The following GLIS3 variants were observed in gnomAD, a reference collection of about 807,000 sequenced individuals.
GLIS3 encodes GLIS family zinc finger 3, also known as zinc finger protein GLIS3.
Under a neutral mutation model 78.6 loss-of-function variants are expected in GLIS3, and 53 were observed. That is an observed-to-expected ratio of 0.67 (90% CI 0.54 to 0.85). The LOEUF (loss-of-function observed/expected upper bound fraction) is 0.85, where lower values mean the gene tolerates loss of function less well. Ranked by LOEUF, GLIS3 falls within the 40% of genes least tolerant of loss-of-function variation. The pLI is 0.00. For missense variants in GLIS3, 1,703 were observed against 1,231.1 expected (o/e 1.38, Z -5.74); for synonymous variants, 684 against 509.9 (o/e 1.34, Z -4.60).
upstream of GLIS3, among the ~76,000 whole-genome samples, chr9:4,304,796 G>A (rs541284521): frequency 6.6e-6 from 1 of 152,160 alleles, no homozygotes; most frequent in East Asian, 1.9e-4. Flanking sequence ...ACCTGCAAAG[G>A]GGTTTGAAAA....
the GLIS3 span, among the ~76,000 whole-genome samples, chr9:4,396,050 G>A: frequency 2.0e-5 from 3 of 151,640 alleles, no homozygotes; most frequent in Admixed American, 6.6e-5. Flanking sequence ...GGGATTACAG[G>A]AGTGAGCCAC....
the GLIS3 span, among the ~76,000 whole-genome samples, chr9:4,448,730 G>T: frequency 2.6e-5 from 4 of 152,164 alleles, no homozygotes; most frequent in African/African-American, 9.7e-5. Context: ...ATGTCCTTTT[G>T]ATCCCTAGCA....
intron 4 of GLIS3, among the ~76,000 whole-genome samples, chr9:4,307,390 C>T (rs1817254447): frequency 6.6e-6 from 1 of 152,164 alleles, no homozygotes; most frequent in African/African-American, 2.4e-5. Context: ...TACTGAACTT[C>T]CTGTAGTTCC....
chr9:4,443,676 G>A, the GLIS3 span, among the ~76,000 whole-genome samples: 1 of 152,204 alleles, frequency 6.6e-6, no homozygotes, highest in Non-Finnish European at 1.5e-5. Flanking sequence ...TGCAATGCAT[G>A]TTTCTAGAGG....
the GLIS3 span, among the ~76,000 whole-genome samples, chr9:4,447,046 C>A: frequency 6.6e-6 from 1 of 151,908 alleles, no homozygotes. Flanking sequence ...TGCCATAATG[C>A]TTAATTTTTT....
At chr9:4,149,347 G>A (rs1834488801) in intron 2 of GLIS3, among the ~76,000 whole-genome samples, 1 of 152,186 alleles carries the variant, frequency 6.6e-6, no homozygotes, top group Non-Finnish European at 1.5e-5. Context: ...CTAAGAGTGA[G>A]TATTCAAACC....
chr9:4,001,841 G>A (rs1056188780), intron 4 of GLIS3, among the ~76,000 whole-genome samples: 2 of 152,150 alleles, frequency 1.3e-5, no homozygotes, highest in South Asian at 4.2e-4. Flanking sequence ...CATCTTCATT[G>A]TTCCCAAACT....
At chr9:4,240,115 T>C (rs1022944184) in intron 2 of GLIS3, among the ~76,000 whole-genome samples, 2 of 147,642 alleles carry the variant, frequency 1.4e-5, no homozygotes, top group African/African-American at 5.0e-5. Context: ...TAATTCACCA[T>C]CTAAAGCAGC....
At chr9:4,120,214 T>G (rs1323799305) in intron 3 of GLIS3, among the ~76,000 whole-genome samples, 2 of 152,200 alleles carry the variant, frequency 1.3e-5, no homozygotes, top group Non-Finnish European at 2.9e-5. Flanking sequence ...TTTCACAAAA[T>G]GGAGGCCACA....
chr9:4,268,217 C>T, intron 2 of GLIS3, among the ~76,000 whole-genome samples: 1 of 149,528 alleles, frequency 6.7e-6, no homozygotes, highest in East Asian at 1.9e-4. Context: ...ATTTGTAAAA[C>T]AGGAGTCATA....
At chr9:4,260,567 A>AG (rs1491395061) in intron 2 of GLIS3, among the ~76,000 whole-genome samples, 3 of 32,670 alleles carry the variant, frequency 9.2e-5, no homozygotes, top group African/African-American at 2.6e-4. Flanking sequence ...ACTCTGTCTC[A>AG]AAAAAAAAAA....
rs796559755 is a variant in GLIS3, at chr9:3,987,153, T to A, written c.1711-49964A>T. Reference sequence around the variant, plus strand: ...GCTACAAAAAATGAAAAGCGTAAATTATAATAATAAAATAATAGTAATACA... The same window carrying A: ...GCTACAAAAAATGAAAAGCGTAAATAATAATAATAAAATAATAGTAATACA... On this transcript the variant is annotated intron_variant, in intron 4 of 10. Transcript: ENST00000381971. Among the ~76,000 whole-genome samples, 65 of 152,068 alleles carry A rather than the reference T, an allele frequency of 4.3e-4. 1 individual carries two copies. Among genetic ancestry groups the A allele is most frequent in the African/African-American group, 1.5e-3 (61 of 41,492 alleles).
chr9:4,320,447 A>C (rs555962055), intron 2 of GLIS3, among the ~76,000 whole-genome samples: 2 of 152,348 alleles, frequency 1.3e-5, no homozygotes, highest in South Asian at 4.1e-4. Flanking sequence ...CTTTATTGCC[A>C]AGCCAGAAAC....
intron 2 of GLIS3, among the ~76,000 whole-genome samples, chr9:4,182,718 T>C (rs2208560): frequency 0.011 from 1,647 of 152,282 alleles, 37 homozygotes; most frequent in African/African-American, 0.038. Context: ...TATGAGATCA[T>C]TGGCGACTAT....
intron 2 of GLIS3, among the ~76,000 whole-genome samples, chr9:4,242,099 T>C (rs750914086): frequency 7.2e-5 from 11 of 152,048 alleles, no homozygotes; most frequent in African/African-American, 2.7e-4. Context: ...TGAAAAGGAG[T>C]GTGCAGGGGT....
At chr9:4,314,152 T>C (rs915158015) in intron 2 of GLIS3, among the ~76,000 whole-genome samples, 3 of 152,228 alleles carry the variant, frequency 2.0e-5, no homozygotes, top group Non-Finnish European at 2.9e-5. Context: ...ACTTATCTCA[T>C]AGGATGGTCA....
At chr9:4,255,766 A>G (rs1033804268) in intron 2 of GLIS3, among the ~76,000 whole-genome samples, 6 of 152,228 alleles carry the variant, frequency 3.9e-5, no homozygotes, top group Admixed American at 3.3e-4. Flanking sequence ...AAACTATTCT[A>G]TATTACACTA....
intron 4 of GLIS3, among the ~76,000 whole-genome samples, chr9:4,061,779 T>C (rs1002446512): frequency 1.3e-5 from 2 of 152,222 alleles, no homozygotes; most frequent in Non-Finnish European, 2.9e-5. Context: ...ATATTCTTTC[T>C]GCAAGCTTGT....
intron 8 of GLIS3, among the ~76,000 whole-genome samples, chr9:3,869,593 G>C (rs981164094): frequency 1.3e-5 from 2 of 152,232 alleles, no homozygotes; most frequent in Non-Finnish European, 2.9e-5. Flanking sequence ...AGAACTTCCA[G>C]AATTACGGCT....
Sources: allele counts gnomAD v4.1 joint callset (sites outside exome capture counted in the v4.1 genomes callset), GRCh38; gene constraint gnomAD v4.1.1; transcripts MANE v1.5; gene names NCBI Gene and HGNC (gene_info 2026-07-23, HGNC 2026-07-21).